Variants in CCDC3 observed in about 807,000 individuals in gnomAD.
The protein encoded by CCDC3 is coiled-coil domain-containing protein 3.
CCDC3 carries 24 observed loss-of-function variants against 21.4 expected under a neutral mutation model. That is an observed-to-expected ratio of 1.12 (90% CI 0.81 to 1.58). The LOEUF (loss-of-function observed/expected upper bound fraction) is 1.58, where lower values mean the gene tolerates loss of function less well. Among genes scored for constraint, CCDC3 ranks in the 40% most tolerant of loss-of-function variants. The probability of loss-of-function intolerance (pLI) is 0.00; values close to 1 mark genes in which losing one functional copy is unlikely to be tolerated. For missense variants in CCDC3, 425 were observed against 360.9 expected, an observed-to-expected ratio of 1.18 and a Z score of -1.44; for synonymous variants, 186 against 166.0, an observed-to-expected ratio of 1.12 and a Z score of -0.93.
intron 4 of CCDC3, among the ~76,000 whole-genome samples, chr10:13,054,182 T>G (rs1836651503): frequency 6.9e-6 from 1 of 144,022 alleles, no homozygotes; most frequent in South Asian, 2.2e-4. Flanking sequence ...AAGAGGAAAC[T>G]TGGCAAGGGG....
intron 2 of CCDC3, among the ~76,000 whole-genome samples, chr10:12,937,120 T>TC (rs1554755106): frequency 6.6e-6 from 1 of 150,880 alleles, no homozygotes; most frequent in African/African-American, 2.4e-5. Context: ...TTTTTTTTTT[T>TC]ACCCTCAGAC....
intron 2 of CCDC3, among the ~76,000 whole-genome samples, chr10:12,920,363 G>A (rs1165539737): frequency 1.3e-5 from 2 of 152,154 alleles, no homozygotes; most frequent in Non-Finnish European, 1.5e-5. Context: ...AATTGTGGCA[G>A]TACAATTCAA....
At chr10:13,038,130 T>A (rs951409543) in intron 5 of CCDC3, among the ~76,000 whole-genome samples, 2 of 152,056 alleles carry the variant, frequency 1.3e-5, no homozygotes, top group African/African-American at 4.8e-5. Context: ...TACCACATAT[T>A]CTCACTTATA....
In CCDC3 at chr10:13,012,629, G is replaced by GA. The variant is rs916713714; in HGVS notation, c.-1-14118dup. ...GAAGTTCATTAAGAAAAAGAAAAAA[G>GA]AAAAAAAAGAAAACTGTTGTAGTCC... On this transcript the variant is annotated intron_variant, in intron 5 of 6. Coordinates refer to the CCDC3 transcript ENST00000378839. Among the ~76,000 whole-genome samples, 193 of 151,730 alleles carry GA rather than the reference G, an allele frequency of 1.3e-3. No individual in the cohort carries two copies. In the Middle Eastern group the frequency reaches 0.014, roughly 11 times the overall value.
intron 3 of CCDC3, among the ~76,000 whole-genome samples, chr10:13,082,698 C>T (rs962623987): frequency 2.6e-5 from 4 of 152,214 alleles, no homozygotes; most frequent in Non-Finnish European, 5.9e-5. Flanking sequence ...CTGGTGTTAC[C>T]GCTAGACCAA....
chr10:13,084,672 C>T (rs747638457), intron 3 of CCDC3, among the ~76,000 whole-genome samples: 2 of 152,186 alleles, frequency 1.3e-5, no homozygotes, highest in Non-Finnish European at 2.9e-5. Flanking sequence ...CAATAACCCT[C>T]TCTTGGGGTC....
intron 2 of CCDC3, among the ~76,000 whole-genome samples, chr10:12,912,991 G>A (rs145499490): frequency 2.0e-5 from 3 of 152,264 alleles, no homozygotes; most frequent in African/African-American, 4.8e-5. Flanking sequence ...GTGCCATCCC[G>A]CTTTGATTAC....
At chr10:13,048,233 C>T (rs548049993) in intron 5 of CCDC3, among the ~76,000 whole-genome samples, 19 of 152,160 alleles carry the variant, frequency 1.2e-4, no homozygotes, top group Non-Finnish European at 2.6e-4. Context: ...CGCTCTGTTG[C>T]CAGACTGGAG....
chr10:12,966,278 G>T (rs1458342949), intron 2 of CCDC3, among the ~76,000 whole-genome samples: 1 of 151,798 alleles, frequency 6.6e-6, no homozygotes, highest in Non-Finnish European at 1.5e-5. Context: ...ATTACTATAT[G>T]AGCAAGGTTG....
intron 2 of CCDC3, among the ~76,000 whole-genome samples, chr10:12,921,070 A>G (rs971698557): frequency 6.6e-6 from 1 of 152,212 alleles, no homozygotes; most frequent in Non-Finnish European, 1.5e-5. Flanking sequence ...CAAGCTACAT[A>G]TTATGATATT....
Position 13,058,147 on chromosome 10 carries a change from G to A in CCDC3, c.-269-8206C>T, listed in dbSNP as rs1051413232. 1.9e-5 allele frequency: 17 copies of A among 887,976 alleles called. No individual in the cohort carries two copies. The African/African-American group carries it at 2.3e-4, about 12-fold the overall frequency. The allele number at this position is 887,976 out of a possible 1,614,324, so 55.0% of individuals were successfully genotyped here. A position where few individuals can be genotyped will look rare whatever the true frequency, so the allele number is the denominator to read the frequency against. ...CAGAATCATAACCAGGGAATCATTT[G>A]GTATTGCGAGGGATAGACAAGCCTC... On this transcript the variant is annotated intron_variant, in intron 4 of 6. Coordinates refer to the CCDC3 transcript ENST00000378839.
chr10:12,963,034 C>G (rs1352027335), intron 2 of CCDC3, among the ~76,000 whole-genome samples: 1 of 152,164 alleles, frequency 6.6e-6, no homozygotes, highest in East Asian at 1.9e-4. Context: ...GGGATCTATG[C>G]TTTTTATTTG....
chr10:12,898,891 C>T (rs1588995276), intron 2 of CCDC3, among the ~76,000 whole-genome samples: 1 of 152,184 alleles, frequency 6.6e-6, no homozygotes, highest in Non-Finnish European at 1.5e-5. Flanking sequence ...ACAGAGCCCC[C>T]GTTTTGCTTT....
intron 2 of CCDC3, 112 bp downstream of exon 2, chr10:12,998,226 T>G: frequency 8.3e-7 from 1 of 1,209,502 alleles, no homozygotes; most frequent in Non-Finnish European, 1.2e-6. Flanking sequence ...ACGCTAATAC[T>G]CTCTGATCTG....
chr10:12,963,881 C>A (rs1260017912), intron 2 of CCDC3, among the ~76,000 whole-genome samples: 1 of 152,150 alleles, frequency 6.6e-6, no homozygotes, highest in African/African-American at 2.4e-5. Context: ...CCAAGCCTGG[C>A]CTGAACTCCA....
At chr10:13,087,319 G>T (rs1411874143) in intron 3 of CCDC3, among the ~76,000 whole-genome samples, 1 of 151,610 alleles carries the variant, frequency 6.6e-6, no homozygotes, top group Admixed American at 6.6e-5. Flanking sequence ...CAGGAGAATT[G>T]CTTGAACCCA....
At chr10:13,097,116 A>C (rs762684259) in intron 3 of CCDC3, among the ~76,000 whole-genome samples, 1 of 152,210 alleles carries the variant, frequency 6.6e-6, no homozygotes, top group African/African-American at 2.4e-5. Context: ...TCAAACCCAG[A>C]TTAGGATCTC....
At chr10:12,990,906 T>G (rs1232012766) in intron 2 of CCDC3, among the ~76,000 whole-genome samples, 2 of 152,226 alleles carry the variant, frequency 1.3e-5, no homozygotes, top group Non-Finnish European at 2.9e-5. Context: ...GATTCTACAT[T>G]ATAGCACATT....
chr10:13,034,798 G>A (rs1836356676), intron 5 of CCDC3, among the ~76,000 whole-genome samples: 1 of 152,162 alleles, frequency 6.6e-6, no homozygotes, highest in Non-Finnish European at 1.5e-5. Context: ...GCCAAAGTGG[G>A]TGGATTGCTT....
Sources: gnomAD v4.1 joint callset for allele counts (sites outside exome capture counted in the v4.1 genomes callset) on GRCh38, gnomAD v4.1.1 for gene constraint, MANE v1.5 for transcripts, NCBI Gene and HGNC (gene_info 2026-07-23, HGNC 2026-07-21) for gene names.